Variants in FAM13A observed in about 807,000 individuals in gnomAD.
The protein encoded by FAM13A is protein FAM13A.
Under a neutral mutation model 129.6 loss-of-function variants are expected in FAM13A, and 76 were observed. That is an observed-to-expected ratio of 0.59 (90% confidence interval 0.49 to 0.71). The LOEUF (loss-of-function observed/expected upper bound fraction) is 0.71. Among genes scored for constraint, FAM13A ranks in the 30% least tolerant of loss-of-function variants. The probability of loss-of-function intolerance (pLI) is 0.00; values close to 1 mark genes in which losing one functional copy is unlikely to be tolerated. For missense variants in FAM13A, 1,108 were observed against 1,249.3 expected, an observed-to-expected ratio of 0.89 and a Z score of 1.70; for synonymous variants, 443 against 449.9, an observed-to-expected ratio of 0.98 and a Z score of 0.20.
intron 7 of FAM13A, among the ~76,000 whole-genome samples, chr4:88,848,442 T>A (rs757780300): frequency 6.6e-6 from 1 of 152,180 alleles, no homozygotes; most frequent in South Asian, 2.1e-4. Context: ...TTAAAATATT[T>A]AAAAACCCCA....
chr4:88,958,333 A>ACTCCAG (rs1246630115), intron 4 of FAM13A, among the ~76,000 whole-genome samples: 2 of 151,968 alleles, frequency 1.3e-5, no homozygotes, highest in Admixed American at 6.6e-5. Context: ...CATCTCAGCC[A>ACTCCAG]CTCCAGCTCC....
chr4:88,818,073 T>A (rs1731134225), intron 7 of FAM13A, among the ~76,000 whole-genome samples: 2 of 152,152 alleles, frequency 1.3e-5, no homozygotes, highest in African/African-American at 4.8e-5. Context: ...AACCTCTAAC[T>A]CCAGGGTTCA....
chr4:88,844,639 G>T (rs760483266), intron 7 of FAM13A, among the ~76,000 whole-genome samples: 11 of 152,300 alleles, frequency 7.2e-5, no homozygotes, highest in Non-Finnish European at 1.2e-4. Context: ...ATGAGGAAAA[G>T]ACAAGCATAG....
rs1184292009 is a variant in FAM13A, at chr4:88,813,972, C to A, written c.1008-8920G>T. ...ACAATCCCAACTTTCACGGAATTTA[C>A]AGGCTAGCAGAGAAATGGAAACCTG... On this transcript the variant is annotated intron_variant, in intron 7 of 23. Coordinates refer to ENST00000264344, the MANE Select transcript of FAM13A (RefSeq NM_014883.4). Among the ~76,000 whole-genome samples the A allele has an allele frequency of 7.2e-5, 11 of 152,098 alleles. No homozygotes were observed. In the East Asian group the frequency reaches 2.1e-3, roughly 29 times the overall value.
chr4:88,801,569 G>A (rs1727459822), intron 8 of FAM13A, among the ~76,000 whole-genome samples: 1 of 152,192 alleles, frequency 6.6e-6, no homozygotes, highest in South Asian at 2.1e-4. Flanking sequence ...GCACCTGCTA[G>A]AAGACAGGTG....
chr4:88,749,720 C>T, intron 16 of FAM13A, 51 bp downstream of exon 16: 3 of 1,586,358 alleles, frequency 1.9e-6, no homozygotes, highest in Non-Finnish European at 2.6e-6. Context: ...GAAATGCTGC[C>T]ATGTCCAGGG....
intron 3 of FAM13A, among the ~76,000 whole-genome samples, chr4:88,994,838 CAA>C (rs34930151): frequency 5.6e-4 from 83 of 146,974 alleles, no homozygotes; most frequent in Non-Finnish European, 6.8e-4. Flanking sequence ...GAGACCCTGT[CAA>C]AAAAAAAAAA....
chr4:88,969,281 A>T (rs1579550645), intron 4 of FAM13A, among the ~76,000 whole-genome samples: 1 of 152,348 alleles, frequency 6.6e-6, no homozygotes, highest in East Asian at 1.9e-4. Context: ...CTGGGGTCAG[A>T]AAAGTGACTT....
At chr4:88,855,740 A>G (rs1738376408) in intron 6 of FAM13A, 4 of 152,132 alleles carry the variant, frequency 2.6e-5, no homozygotes, top group Non-Finnish European at 5.9e-5. Flanking sequence ...ACCAGGCACT[A>G]ATTAACCCTG....
intron 4 of FAM13A, among the ~76,000 whole-genome samples, chr4:88,942,523 C>T (rs1263876283): frequency 3.3e-5 from 5 of 151,276 alleles, no homozygotes; most frequent in African/African-American, 1.2e-4. Context: ...GCCGAGATCA[C>T]GCCGTTGCAC....
In FAM13A at chr4:88,737,503, C is replaced by G; in HGVS notation, c.2615G>C (p.Gly872Ala). 1 of 1,614,088 alleles carries G rather than the reference C, an allele frequency of 6.2e-7. No homozygotes were observed. The highest frequency in any genetic ancestry group is 8.5e-7 in the Non-Finnish European group (1 of 1,179,984). Reference sequence around the variant, plus strand: ...CTCCTTGAAGAAGGAAGCAGTTTCGCCCTCGATAATTGGCTGCAGCAAAGG... The same window carrying G: ...CTCCTTGAAGAAGGAAGCAGTTTCGGCCTCGATAATTGGCTGCAGCAAAGG... ...RSPLLQPIIE[G>A]ETASFFKEIK... Residue 872 changes from glycine (G) to alanine (A), a missense_variant, in exon 21 of 24, where the codon GGC (glycine) becomes GCC (alanine). Around this residue, in one of 3 missense-constraint regions of FAM13A, gnomAD observed 529 missense variants for 621.2 expected, o/e 0.85. Transcript: ENST00000264344.
chr4:88,815,629 T>C (rs1315429067), intron 7 of FAM13A, among the ~76,000 whole-genome samples: 1 of 152,314 alleles, frequency 6.6e-6, no homozygotes, highest in East Asian at 1.9e-4. Flanking sequence ...ATTTTTAAAG[T>C]GTACTCATGT....
At chr4:89,037,861 C>T (rs1457721094) in intron 1 of FAM13A, among the ~76,000 whole-genome samples, 1 of 152,184 alleles carries the variant, frequency 6.6e-6, no homozygotes, top group Non-Finnish European at 1.5e-5. Context: ...ACCTGCTTCC[C>T]CTTCGCCTAC....
chr4:88,914,077 G>A (rs1169422474), intron 5 of FAM13A, among the ~76,000 whole-genome samples: 2 of 151,590 alleles, frequency 1.3e-5, no homozygotes, highest in Non-Finnish European at 2.9e-5. Flanking sequence ...TAGTTGCTCA[G>A]GACAATGTCT....
At chr4:89,031,697 C>T (rs747690126) in intron 1 of FAM13A, among the ~76,000 whole-genome samples, 3 of 152,142 alleles carry the variant, frequency 2.0e-5, no homozygotes, top group Non-Finnish European at 4.4e-5. Flanking sequence ...GTAAATATCT[C>T]CATAAAGGTT....
intron 6 of FAM13A, among the ~76,000 whole-genome samples, chr4:88,864,716 C>T (rs929634323): frequency 6.6e-6 from 1 of 152,116 alleles, no homozygotes; most frequent in Non-Finnish European, 1.5e-5. Flanking sequence ...CATTTGTGAT[C>T]TTTTAAAAAG....
In FAM13A at chr4:88,943,123, A is replaced by G. The variant is rs548292534; in HGVS notation, c.606-4882T>C. Among the ~76,000 whole-genome samples the G allele has an allele frequency of 1.9e-4, 29 of 152,356 alleles. No individual in the cohort carries two copies. In the South Asian group the frequency reaches 6.0e-3, roughly 32 times the overall value. On this transcript the variant is annotated intron_variant, in intron 4 of 23. Transcript: ENST00000264344. ...GACTTTGGTTAAATGAATGACTATT[A>G]TTCACAGTGATTTGTGATCCTATTA...
intron 1 of FAM13A, among the ~76,000 whole-genome samples, chr4:89,053,904 C>A (rs1039751863): frequency 1.3e-5 from 2 of 152,110 alleles, no homozygotes; most frequent in East Asian, 3.8e-4. Context: ...GCAGGAGAAG[C>A]AGAAAATCTG....
intron 4 of FAM13A, among the ~76,000 whole-genome samples, chr4:88,949,035 C>T (rs1579442280): frequency 6.6e-6 from 1 of 152,136 alleles, no homozygotes; most frequent in East Asian, 1.9e-4. Context: ...TTCTTTCTAC[C>T]TACAATAACT....
Sources: allele counts gnomAD v4.1 joint callset (sites outside exome capture counted in the v4.1 genomes callset), GRCh38; gene constraint gnomAD v4.1.1; regional missense constraint gnomAD v4.1.1; transcripts MANE v1.5; gene names NCBI Gene and HGNC (gene_info 2026-07-23, HGNC 2026-07-21).